Variants in RACGAP1 observed in about 807,000 individuals in gnomAD.
The protein encoded by RACGAP1 is rac GTPase-activating protein 1.
Under a neutral mutation model 78.1 loss-of-function variants are expected in RACGAP1, and 30 were observed. That is an observed-to-expected ratio of 0.38 (90% CI 0.29 to 0.52). The LOEUF is 0.52. Ranked by LOEUF, RACGAP1 falls within the 20% of genes least tolerant of loss-of-function variation. The pLI is 0.82. For synonymous variants in RACGAP1, 231 were observed against 264.8 expected (o/e 0.87, Z 1.24); for missense variants, 587 against 777.1 (o/e 0.76, Z 2.91).
intron 2 of RACGAP1, chr12:50,031,609 C>G (rs1178732622): frequency 3.5e-6 from 3 of 863,846 alleles, no homozygotes; most frequent in Non-Finnish European, 4.2e-6. Context: ...CCATTTCCAC[C>G]TGGGGCCTTC....
chr12:50,006,703 T>TC (rs1948999150), intron 2 of RACGAP1, 67 bp from the exon 3 acceptor site: 16 of 1,453,060 alleles, frequency 1.1e-5, no homozygotes, highest in Non-Finnish European at 1.5e-5. Flanking sequence ...AATAAATGAG[T>TC]CCTACGGTTA....
intron 16 of RACGAP1, 27 bp downstream of exon 16, chr12:49,990,657 T>C (rs909741802): frequency 6.5e-7 from 1 of 1,528,920 alleles, no homozygotes; most frequent in Non-Finnish European, 9.0e-7. Context: ...TTGTTTTTTA[T>C]TTCCTAGGAA....
At chr12:50,031,551 A>C (rs1424738505) in intron 2 of RACGAP1, 1 of 277,428 alleles carries the variant, frequency 3.6e-6, no homozygotes, top group Admixed American at 6.6e-5. Flanking sequence ...TCGCCCTTCT[A>C]GCTGCACTGC....
At chr12:50,031,568 C>G (rs1950336178) in intron 2 of RACGAP1, 1 of 437,222 alleles carries the variant, frequency 2.3e-6, no homozygotes, top group Non-Finnish European at 3.0e-6. Context: ...CTGCCCAACC[C>G]TCGTTTGCAG....
chr12:50,031,853 G>T, exon 2 of RACGAP1: 1 of 512,820 alleles, frequency 1.9e-6, no homozygotes, highest in African/African-American at 2.1e-5. Flanking sequence ...GTCAGCTGTG[G>T]CTTGACTTGC....
At chr12:50,015,829 TA>T (rs901560267) in intron 2 of RACGAP1, among the ~76,000 whole-genome samples, 4 of 149,844 alleles carry the variant, frequency 2.7e-5, no homozygotes, top group Admixed American at 6.6e-5. Context: ...TAAAAAAATT[TA>T]AAAAAAAATT....
intron 12 of RACGAP1, among the ~76,000 whole-genome samples, chr12:49,993,680 C>T (rs1489662403): frequency 6.8e-6 from 1 of 147,292 alleles, no homozygotes; most frequent in Admixed American, 7.0e-5. Flanking sequence ...ACCCAGGAGG[C>T]GGAGTTTGCA....
intron 10 of RACGAP1, among the ~76,000 whole-genome samples, chr12:49,995,349 A>T (rs1948186943): frequency 6.6e-6 from 1 of 151,148 alleles, no homozygotes; most frequent in Admixed American, 6.6e-5. Flanking sequence ...ACTCCCTCTC[A>T]AAAACAAAAC....
intron 1 of RACGAP1, among the ~76,000 whole-genome samples, chr12:50,032,127 C>T (rs2137780962): frequency 6.6e-6 from 1 of 151,974 alleles, no homozygotes; most frequent in Admixed American, 6.6e-5. Flanking sequence ...GCCTGGGTGA[C>T]ACAGCGAGAC....
chr12:50,031,647 G>A (rs117691021), intron 2 of RACGAP1: 10 of 980,624 alleles, frequency 1.0e-5, no homozygotes, highest in African/African-American at 3.5e-5. Context: ...AGCACTCTCC[G>A]GAACTTCCCG....
chr12:50,005,465 G>C, intron 3 of RACGAP1, 73 bp from the exon 4 acceptor site: 1 of 1,561,362 alleles, frequency 6.4e-7, no homozygotes. Flanking sequence ...TATGGGACAG[G>C]CAGACCAGAA....
intron 7 of RACGAP1, among the ~76,000 whole-genome samples, chr12:50,000,303 G>A (rs540138374): frequency 3.2e-4 from 48 of 151,536 alleles, no homozygotes; most frequent in African/African-American, 1.1e-3. Flanking sequence ...GTGAGCCACC[G>A]CGCCTGGCCG....
chr12:50,026,796 TC>T (rs1234422663), upstream of RACGAP1, among the ~76,000 whole-genome samples: 1 of 152,204 alleles, frequency 6.6e-6, no homozygotes, highest in African/African-American at 2.4e-5. Flanking sequence ...CAAGGGATCC[TC>T]CCTCATACCT....
intron 2 of RACGAP1, among the ~76,000 whole-genome samples, chr12:50,014,671 C>T (rs1295994568): frequency 1.3e-5 from 2 of 151,920 alleles, no homozygotes; most frequent in Non-Finnish European, 2.9e-5. Context: ...ATCCTCCCAC[C>T]TCAGCCTCCC....
chr12:50,007,074 T>A (rs1949018080), intron 2 of RACGAP1, among the ~76,000 whole-genome samples: 1 of 152,192 alleles, frequency 6.6e-6, no homozygotes, highest in Non-Finnish European at 1.5e-5. Flanking sequence ...AACAGCAAAT[T>A]CAAATGTAAC....
At chr12:50,005,220 C>T (rs1256903740) in intron 4 of RACGAP1, 36 bp downstream of exon 4, 16 of 1,610,916 alleles carry the variant, frequency 9.9e-6, no homozygotes, top group Non-Finnish European at 1.3e-5. Context: ...GCCTGTGTTG[C>T]TTGTGATAGG....
chr12:50,031,581 C>T, intron 2 of RACGAP1: 1 of 580,888 alleles, frequency 1.7e-6, no homozygotes, highest in Non-Finnish European at 2.2e-6. Context: ...GTTTGCAGTT[C>T]CTCCACGCAC....
At chr12:50,032,803 G>A (rs1171370650) in intron 1 of RACGAP1, among the ~76,000 whole-genome samples, 2 of 152,194 alleles carry the variant, frequency 1.3e-5, no homozygotes, top group South Asian at 2.1e-4. Context: ...CTTCCGAGGT[G>A]CGGGAGAGGT....
intron 1 of RACGAP1, among the ~76,000 whole-genome samples, chr12:50,022,448 G>A (rs776056460): frequency 5.0e-4 from 76 of 152,192 alleles, no homozygotes; most frequent in Middle Eastern, 6.8e-3. Flanking sequence ...CAGGCATGAC[G>A]GTGCATGCCT....
Sources: allele counts gnomAD v4.1 joint callset (sites outside exome capture counted in the v4.1 genomes callset), GRCh38; gene constraint gnomAD v4.1.1; transcripts MANE v1.5; gene names NCBI Gene and HGNC (gene_info 2026-07-23, HGNC 2026-07-21).